Variants in GRIK5 observed in about 807,000 individuals in gnomAD.
GRIK5 encodes the protein glutamate receptor ionotropic, kainate 5.
In GRIK5, 43 loss-of-function variants were observed where a neutral mutation model predicts 97.4. That is an observed-to-expected ratio of 0.44 (90% CI 0.35 to 0.57). The LOEUF (loss-of-function observed/expected upper bound fraction) is 0.57. Among genes scored for constraint, GRIK5 ranks in the 20% least tolerant of loss-of-function variants. The pLI, the probability that GRIK5 is intolerant of heterozygous loss-of-function variation, is 0.01. For synonymous variants in GRIK5, 580 were observed against 583.5 expected (o/e 0.99, Z 0.09); for missense variants, 1,015 against 1,382.0 (o/e 0.73, Z 4.21).
intron 16 of GRIK5, 52 bp from the exon 17 acceptor site, chr19:42,006,000 C>T (rs1555872593): frequency 3.2e-6 from 3 of 928,472 alleles, no homozygotes; most frequent in East Asian, 5.2e-5. Flanking sequence ...CAGCCGCTTC[C>T]TTTCCCCGAG....
rs782474369 is a variant in GRIK5, at chr19:42,006,778, T to C, written c.1904A>G (p.Tyr635Cys). The change falls in exon 16 of 20, where the codon TAC (tyrosine) becomes TGC (cysteine). Residue 635 changes from tyrosine (Y) to cysteine (C), a missense_variant. By Grantham distance (194) the Tyr-to-Cys change is radical. Coordinates refer to ENST00000593562, the MANE Select transcript of GRIK5 (RefSeq NM_002088.5). The surrounding 1 kb of genome is among the most constrained non-coding windows in gnomAD (Gnocchi z 5.3). ...GAGGAAGGCGGCCAGGTTGGCCGTG[T>C]AGGAGGAGATGATGATCAAGGTGAA... ...WAFTLIIISS[Y>C]TANLAAFLTV... is the part of the protein sequence containing the mutation. 6.2e-7 allele frequency: 1 copy of C among 1,611,830 alleles called. No individual in the cohort carries two copies.
At chr19:42,069,019 G>C (rs1157252553) in intron 1 of GRIK5, 3 of 513,264 alleles carry the variant, frequency 5.8e-6, no homozygotes, top group Non-Finnish European at 1.0e-5. Flanking sequence ...AAGCTAGAGG[G>C]CCAGGGGCGG....
intron 11 of GRIK5, among the ~76,000 whole-genome samples, chr19:42,044,842 C>T (rs1170236705): frequency 6.6e-6 from 1 of 152,128 alleles, no homozygotes; most frequent in Admixed American, 6.5e-5. Flanking sequence ...CTCAGCTACT[C>T]GGGAGGCTGA....
chr19:41,999,200 GGCTCGGGCCGCC>G lies in GRIK5; in HGVS notation c.2602_2613del (p.Gly868_Ser871del). ...ACCGCGCGCAGTGACAGCAGGGCCC[GGCTCGGGCCGCC>G]CGGGCGTCGGCGCCGGCGGGAACGC... On this transcript the variant is annotated inframe_deletion, in exon 20 of 20. Coordinates refer to ENST00000593562, the MANE Select transcript of GRIK5 (RefSeq NM_002088.5). The surrounding 1 kb of genome is among the most constrained non-coding windows in gnomAD (Gnocchi z 5.0). 6.6e-7 allele frequency: 1 copy of G among 1,517,496 alleles called. No individual in the cohort carries two copies. Among genetic ancestry groups the G allele is most frequent in the Non-Finnish European group, 8.8e-7 (1 of 1,139,876 alleles). The allele number at this position is 1,517,496 out of a possible 1,614,324, so 94.0% of individuals were successfully genotyped here.
In GRIK5 at chr19:42,022,379, G is replaced by A. The variant is rs1207361920; in HGVS notation, c.1474-25C>T. The A allele has an allele frequency of 6.3e-7, 1 of 1,591,252 alleles. No homozygotes were observed. Among genetic ancestry groups the A allele is most frequent in the Non-Finnish European group, 8.6e-7 (1 of 1,160,830 alleles). On this transcript the variant is annotated intron_variant, in intron 12 of 19. Transcript: ENST00000593562. This position sits in a 1 kb window ranked among gnomAD's most constrained non-coding sequence, Gnocchi z 4.2. The stretch of plus-strand genomic sequence containing the variant: ...TCTGCTGGAGGGGAAGCCGGGCAGG[G>A]GTGGAGGGGGACAGAGGGGAAGACA...
chr19:42,053,859 C>T lies in GRIK5; in HGVS notation c.1127G>A (p.Arg376His), dbSNP rs778914367. ...SKGQRTNYTL[R>H]ILEKSRQGHR... ...GCCCTGCCGGGACTTTTCTAGGATG[C>T]GCAGGGTGTAGTTGGTTCTCTGCCC... is the stretch of plus-strand genomic sequence containing the variant. The change falls in exon 10 of 20, where the codon CGC becomes CAC. Residue 376 changes from arginine (R) to histidine (H), a missense_variant. Arg to His is a conservative substitution (Grantham distance 29). Around this residue, in one of 5 missense-constraint regions of GRIK5, gnomAD observed 477 missense variants for 701.1 expected, o/e 0.68. Transcript: ENST00000593562. 14 of 1,613,806 alleles carry T rather than the reference C, an allele frequency of 8.7e-6. No homozygotes were observed. In the East Asian group the frequency reaches 1.3e-4, roughly 15 times the overall value.
rs1555870142 is a variant in GRIK5, at chr19:41,998,987, G to A, written c.2827C>T (p.Arg943Trp). The A allele has an allele frequency of 1.7e-6, 2 of 1,200,726 alleles. No homozygotes were observed. Among genetic ancestry groups the A allele is most frequent in the Non-Finnish European group, 2.1e-6 (2 of 961,652 alleles). The allele number at this position is 1,200,726 out of a possible 1,614,324, so 74.4% of individuals were successfully genotyped here. A position where few individuals can be genotyped will look rare whatever the true frequency, so the allele number is the denominator to read the frequency against. ...GGAGGCGCGCCGGCCCCCGAGGCCC[G>A]CAGCGCCTGGATGCGCCGGCACTCC... is the stretch of plus-strand genomic sequence containing the variant. Reference protein sequence around the residue: ...CQECRRIQALRASGAGAPPRG... With the variant: ...CQECRRIQALWASGAGAPPRG... Residue 943 changes from arginine (R) to tryptophan (W), a missense_variant, in exon 20 of 20, where the codon CGG becomes TGG. Physicochemically the swap from Arg to Trp is moderately radical, Grantham distance 101. This residue lies in a region of GRIK5 where 109 missense variants were observed against 100.4 expected (regional missense o/e 1.09). Coordinates refer to ENST00000593562, the MANE Select transcript of GRIK5 (RefSeq NM_002088.5).
At chr19:42,000,760 G>A (rs1018394932) in intron 19 of GRIK5, among the ~76,000 whole-genome samples, 5 of 152,136 alleles carry the variant, frequency 3.3e-5, no homozygotes, top group South Asian at 2.1e-4. Context: ...TTCTGCTTCC[G>A]CCTTGCTCTC....
chr19:42,042,219 G>C lies in GRIK5; in HGVS notation c.1473+333C>G, dbSNP rs907241915. 2.0e-5 allele frequency among the ~76,000 whole-genome samples: 3 copies of C among 152,182 alleles called. No homozygotes were observed. The highest frequency in any genetic ancestry group is 7.2e-5 in the African/African-American group (3 of 41,440). On this transcript the variant is annotated intron_variant, in intron 12 of 19. Transcript: ENST00000593562. This position sits in a 1 kb window ranked among gnomAD's most constrained non-coding sequence, Gnocchi z 6.9. The stretch of plus-strand genomic sequence containing the variant: ...CTGCAGGAAGCCTTTGACCTCCTCA[G>C]ACCTTTTCCTGCTCCCCACTCCATG...
intron 12 of GRIK5, among the ~76,000 whole-genome samples, chr19:42,039,032 C>T (rs1342870704): frequency 6.6e-6 from 1 of 152,168 alleles, no homozygotes; most frequent in Non-Finnish European, 1.5e-5. Context: ...GTCACCAAGC[C>T]CTGGTGCTCT....
rs1444302825 is a variant in GRIK5, at chr19:42,022,574, G to C, written c.1474-220C>G. 3.0e-6 allele frequency: 3 copies of C among 985,148 alleles called. No homozygotes were observed. The highest frequency in any genetic ancestry group is 3.6e-6 in the Non-Finnish European group (3 of 829,884). The allele number at this position is 985,148 out of a possible 1,614,324, so 61.0% of individuals were successfully genotyped here. A position where few individuals can be genotyped will look rare whatever the true frequency, so the allele number is the denominator to read the frequency against. The stretch of plus-strand genomic sequence containing the variant: ...CCATCCTCATCATCTCACGTCTCCA[G>C]ACACACTGACTCCGTCCCCTAGGCC... On this transcript the variant is annotated intron_variant, in intron 12 of 19. Coordinates refer to ENST00000593562, the MANE Select transcript of GRIK5 (RefSeq NM_002088.5). This position sits in a 1 kb window ranked among gnomAD's most constrained non-coding sequence, Gnocchi z 4.2.
intron 15 of GRIK5, among the ~76,000 whole-genome samples, chr19:42,009,584 A>G (rs1599750984): frequency 6.6e-6 from 1 of 151,962 alleles, no homozygotes; most frequent in Non-Finnish European, 1.5e-5. Context: ...CCTGACTAAC[A>G]TGGCGAAAAC....
At chr19:42,067,090 TGGCTGAG>T (rs1299783583) in intron 1 of GRIK5, among the ~76,000 whole-genome samples, 1 of 152,204 alleles carries the variant, frequency 6.6e-6, no homozygotes, top group Non-Finnish European at 1.5e-5. Context: ...CCACTTCCCC[TGGCTGAG>T]GGCTGTGCCC....
intron 11 of GRIK5, 127 bp downstream of exon 11, chr19:42,053,475 G>A (rs192286678): frequency 7.5e-5 from 48 of 639,694 alleles, no homozygotes; most frequent in African/African-American, 4.4e-4. Context: ...GAGTTGCTGC[G>A]TGCAGGAATC....
chr19:42,060,766 C>T (rs1294633528), intron 5 of GRIK5, among the ~76,000 whole-genome samples: 1 of 151,958 alleles, frequency 6.6e-6, no homozygotes, highest in Non-Finnish European at 1.5e-5. Context: ...ACAGCTCCCT[C>T]CTTCCCCTCC....
chr19:42,047,723 A>C (rs566009640), intron 11 of GRIK5, among the ~76,000 whole-genome samples: 1 of 152,184 alleles, frequency 6.6e-6, no homozygotes, highest in Non-Finnish European at 1.5e-5. Context: ...TAATCCTAGC[A>C]CTTTGGGAGG....
intron 15 of GRIK5, among the ~76,000 whole-genome samples, chr19:42,008,765 A>G (rs1174832586): frequency 6.6e-6 from 1 of 152,232 alleles, no homozygotes; most frequent in African/African-American, 2.4e-5. Context: ...CAGCTATTAT[A>G]AATACATTCA....
At chr19:42,057,472 A>G (rs1198344132) in intron 6 of GRIK5, among the ~76,000 whole-genome samples, 3 of 152,024 alleles carry the variant, frequency 2.0e-5, no homozygotes, top group Non-Finnish European at 4.4e-5. Context: ...CTCAGGCTCA[A>G]GTGATCCTCC....
intron 1 of GRIK5, among the ~76,000 whole-genome samples, chr19:42,068,184 GAGGGA>G: frequency 6.6e-6 from 1 of 152,090 alleles, no homozygotes; most frequent in East Asian, 1.9e-4. Context: ...GGGAGTCAGG[GAGGGA>G]AACTGAGGTG....
Sources: allele counts gnomAD v4.1 joint callset (sites outside exome capture counted in the v4.1 genomes callset), GRCh38; gene constraint gnomAD v4.1.1; regional missense constraint gnomAD v4.1.1; non-coding constraint Gnocchi (gnomAD v3.1); transcripts MANE v1.5; gene names NCBI Gene and HGNC (gene_info 2026-07-23, HGNC 2026-07-21).